RGPD4: variants seen among roughly 807,000 people sequenced by gnomAD.
RGPD4 encodes RANBP2 like and GRIP domain containing 4.
RGPD4 carries 84 observed loss-of-function variants against 141.1 expected under a neutral mutation model. The ratio of observed to expected loss-of-function variants is 0.60; its 90% CI spans 0.50 to 0.71. The LOEUF is 0.71. Ranked by LOEUF, RGPD4 falls within the 30% of genes least tolerant of loss-of-function variation. The pLI is 0.00. For synonymous variants in RGPD4, 298 were observed against 566.8 expected (o/e 0.53, Z 6.74); for missense variants, 918 against 1,622.4 (o/e 0.57, Z 7.46).
chr2:107,890,384 CA>C (rs954261720), intron 22 of RGPD4, among the ~76,000 whole-genome samples: 5 of 132,350 alleles, frequency 3.8e-5, no homozygotes, highest in Non-Finnish European at 6.4e-5. Context: ...TGCATCTCTA[CA>C]AAAAAACAAA....
intron 20 of RGPD4, among the ~76,000 whole-genome samples, chr2:107,878,191 C>A (rs1683145859): frequency 6.6e-6 from 1 of 151,480 alleles, no homozygotes; most frequent in Admixed American, 6.6e-5. Flanking sequence ...AATTCCTCTA[C>A]TCTTATCATT....
chr2:107,863,225 G>T (rs1441864302), intron 17 of RGPD4, among the ~76,000 whole-genome samples, 193 bp downstream of exon 17: 1 of 66,706 alleles, frequency 1.5e-5, no homozygotes, highest in African/African-American at 6.7e-5. Flanking sequence ...ACAGTGGTAT[G>T]ATCACAGCTT....
At position 107,890,860 on chromosome 2, in the gene RGPD4, A is replaced by G. The variant is rs1448793991; in HGVS notation, c.*129A>G. ...ACAAAAATGGTTCATGTGTATTACC[A>G]TCATTCTTTTGTCAAAAAGTGTGTA... On this transcript the variant is annotated 3_prime_UTR_variant, in exon 23 of 23. Transcript: ENST00000408999. The G allele has an allele frequency of 4.5e-6, 5 of 1,112,256 alleles. No individual in the cohort carries two copies. The highest frequency in any genetic ancestry group is 2.4e-5 in the East Asian group (1 of 41,368). 68.9% of individuals were successfully genotyped at this position (1,112,256 alleles called of 1,614,324 possible).
In RGPD4 at chr2:107,870,767, T is replaced by C. The variant is rs1159329300; in HGVS notation, c.2763T>C (p.Asp921=). ...GATTTTCCATCCCTGTGTCTGCTGA[T>C]GGATTTAAATTTGGCATTTCGGAAC... is the stretch of plus-strand genomic sequence containing the variant. ...KEGFSIPVSA[D]GFKFGISEPG... Residue 921 remains aspartate (D), a synonymous_variant, in exon 20 of 23, where the codon GAT becomes GAC. Transcript: ENST00000408999. 2 of 1,610,198 alleles carry C rather than the reference T, an allele frequency of 1.2e-6. No individual in the cohort carries two copies. The highest frequency in any genetic ancestry group is 1.3e-5 in the African/African-American group (1 of 74,196).
intron 20 of RGPD4, among the ~76,000 whole-genome samples, chr2:107,877,567 G>A (rs1231561712): frequency 2.8e-4 from 42 of 151,354 alleles, no homozygotes; most frequent in East Asian, 2.5e-3. Flanking sequence ...GCAGATTTCA[G>A]CAAGTGTGTT....
At chr2:107,883,074 G>A (rs561814951) in intron 22 of RGPD4, 239 of 808,682 alleles carry the variant, frequency 3.0e-4, no homozygotes, top group Middle Eastern at 1.1e-3. Flanking sequence ...TAATTTTAAC[G>A]TTCAGCAAAA....
chr2:107,875,280 C>T lies in RGPD4; in HGVS notation c.4924+2352C>T, dbSNP rs1329353981. Among the ~76,000 whole-genome samples the T allele has an allele frequency of 3.0e-4, 18 of 60,548 alleles. 6 individuals carry two copies. Among genetic ancestry groups the T allele is most frequent in the East Asian group, 2.3e-4 (1 of 4,410 alleles). The allele number at this position is 60,548 out of a possible 152,430, so 39.7% of individuals were successfully genotyped here. A position where few individuals can be genotyped will look rare whatever the true frequency, so the allele number is the denominator to read the frequency against. On this transcript the variant is annotated intron_variant, in intron 20 of 22. Transcript: ENST00000408999. Reference sequence around the variant, plus strand: ...CTTTATCGATAGATTTGATTTAACTCATTATGTCCAGAATATCATTTTAAC... The same window carrying T: ...CTTTATCGATAGATTTGATTTAACTTATTATGTCCAGAATATCATTTTAAC...
chr2:107,854,244 A>C (rs1464843478), intron 7 of RGPD4, among the ~76,000 whole-genome samples: 1 of 143,678 alleles, frequency 7.0e-6, no homozygotes, highest in East Asian at 2.1e-4. Flanking sequence ...TTTTATTTTT[A>C]GTAGAGACTG....
rs770493759 is a variant in RGPD4, at chr2:107,872,594, A to G, written c.4590A>G (p.Thr1530=). 1 of 1,597,462 alleles carries G rather than the reference A, an allele frequency of 6.3e-7. No individual in the cohort carries two copies. Among genetic ancestry groups the G allele is most frequent in the Non-Finnish European group, 8.5e-7 (1 of 1,174,160 alleles). ...VEVSSTSETT[T]KAVVSPPKFV... ...TGTCTAGCACATCTGAAACAACAAC[A>G]AAAGCAGTGGTTTCTCCTCCAAAGT... The change falls in exon 20 of 23, where the codon ACA becomes ACG. Residue 1530 remains threonine, a synonymous_variant. Coordinates refer to ENST00000408999, the MANE Select transcript of RGPD4 (RefSeq NM_182588.3).
At position 107,890,754 on chromosome 2, in the gene RGPD4, G is replaced by C; in HGVS notation, c.*23G>C. Reference sequence around the variant, plus strand: ...TAAAATGCTTCCCGTTCTTCTGGATGGGCATCCTATCTTCGTAGTTGGTTT... The same window carrying C: ...TAAAATGCTTCCCGTTCTTCTGGATCGGCATCCTATCTTCGTAGTTGGTTT... On this transcript the variant is annotated 3_prime_UTR_variant, in exon 23 of 23. Coordinates refer to ENST00000408999, the MANE Select transcript of RGPD4 (RefSeq NM_182588.3). 1 of 1,602,464 alleles carries C rather than the reference G, an allele frequency of 6.2e-7. No individual in the cohort carries two copies.
chr2:107,844,980 C>T (rs1422350426), intron 6 of RGPD4, among the ~76,000 whole-genome samples: 13 of 141,822 alleles, frequency 9.2e-5, no homozygotes, highest in African/African-American at 2.4e-4. Flanking sequence ...GGACCACAGG[C>T]GCACACCACC....
chr2:107,880,927 C>A (rs2104515559), intron 21 of RGPD4, among the ~76,000 whole-genome samples: 1 of 151,782 alleles, frequency 6.6e-6, no homozygotes, highest in African/African-American at 2.4e-5. Context: ...AGAATATAGT[C>A]ATACTGCTTG....
At position 107,859,714 on chromosome 2, in the gene RGPD4, T is replaced by C. The variant is rs746280257; in HGVS notation, c.1635-8T>C. ...AAAGCAATTTTAGTAAATTGAACTATTTTTTAGACCTGGAAACTCAGCAAA... is the reference window on the plus strand; with the variant it reads ...AAAGCAATTTTAGTAAATTGAACTACTTTTTAGACCTGGAAACTCAGCAAA... On this transcript the variant is annotated splice_polypyrimidine_tract_variant and splice_region_variant and intron_variant, in intron 11 of 22. Transcript: ENST00000408999. The C allele has an allele frequency of 1.2e-5, 20 of 1,611,252 alleles. 3 individuals carry two copies. The South Asian group carries it at 2.1e-4, about 17-fold the overall frequency.
intron 1 of RGPD4, among the ~76,000 whole-genome samples, chr2:107,834,606 C>A (rs575174197): frequency 6.6e-6 from 1 of 151,702 alleles, no homozygotes; most frequent in Admixed American, 6.6e-5. Context: ...TCAAGTAACC[C>A]TTATTTTATT....
intron 6 of RGPD4, among the ~76,000 whole-genome samples, chr2:107,845,024 C>T (rs560473722): frequency 2.3e-4 from 33 of 141,720 alleles, no homozygotes; most frequent in African/African-American, 6.2e-4. Context: ...TTAGTAGAGA[C>T]GGGGTTCAGG....
In RGPD4 at chr2:107,827,011, G is replaced by T. The variant is rs541301095; in HGVS notation, c.-3G>T. 3.1e-6 allele frequency: 5 copies of T among 1,597,932 alleles called. No homozygotes were observed. The East Asian group carries it at 1.1e-4, about 36-fold the overall frequency. ...GCGTCTCGGGAGCCAGGTTGGTGGC[G>T]CGATGAGTTGCAGCAAGGCCTACGG... On this transcript the variant is annotated 5_prime_UTR_variant, in exon 1 of 23. Coordinates refer to ENST00000408999, the MANE Select transcript of RGPD4 (RefSeq NM_182588.3).
chr2:107,867,158 T>C (rs1035576330), intron 18 of RGPD4, among the ~76,000 whole-genome samples: 1 of 147,430 alleles, frequency 6.8e-6, no homozygotes, highest in African/African-American at 2.5e-5. Flanking sequence ...ACTCCAGTGG[T>C]GTAACTCCAA....
chr2:107,845,267 C>CTCGCT (rs1344166904), intron 6 of RGPD4, among the ~76,000 whole-genome samples: 1 of 90,642 alleles, frequency 1.1e-5, no homozygotes, highest in African/African-American at 4.3e-5. Flanking sequence ...GAGACAGAGT[C>CTCGCT]TCGCTCTGTC....
At chr2:107,880,259 CTTTTTT>C (rs58305715) in intron 21 of RGPD4, among the ~76,000 whole-genome samples, 152 bp downstream of exon 21, 2 of 48,184 alleles carry the variant, frequency 4.2e-5, no homozygotes, top group Non-Finnish European at 6.9e-5. Context: ...GAAATATTGC[CTTTTTT>C]TTTTTTTTTT....
Sources: allele counts gnomAD v4.1 joint callset (sites outside exome capture counted in the v4.1 genomes callset), GRCh38; gene constraint gnomAD v4.1.1; transcripts MANE v1.5; gene names NCBI Gene and HGNC (gene_info 2026-07-23, HGNC 2026-07-21).